SPATA16: variants seen among roughly 807,000 people sequenced by gnomAD.
SPATA16 encodes spermatogenesis associated 16, also known as spermatogenesis-associated protein 16.
SPATA16 carries 36 observed loss-of-function variants against 63.3 expected under a neutral mutation model. The observed-to-expected ratio is 0.57, with a 90% CI of 0.44 to 0.75. The LOEUF is 0.75. SPATA16 is among the 30% of genes least tolerant of loss of function. The pLI is 0.00. For missense variants in SPATA16, 646 were observed against 679.3 expected (o/e 0.95, Z 0.54); for synonymous variants, 203 against 216.7 (o/e 0.94, Z 0.56).
chr3:173,068,128 G>A (rs1037076479), intron 2 of SPATA16, among the ~76,000 whole-genome samples: 17 of 152,176 alleles, frequency 1.1e-4, no homozygotes, highest in African/African-American at 3.4e-4. Context: ...CGAAGTTAAT[G>A]TATAACAAGA....
At chr3:172,929,818 T>C (rs577797325) in intron 6 of SPATA16, among the ~76,000 whole-genome samples, 1 of 152,302 alleles carries the variant, frequency 6.6e-6, no homozygotes, top group South Asian at 2.1e-4. Context: ...TGCTCATCAC[T>C]CCAAAAGTTA....
At chr3:173,140,634 G>A (rs1738687276) in intron 1 of SPATA16, among the ~76,000 whole-genome samples, 1 of 152,114 alleles carries the variant, frequency 6.6e-6, no homozygotes, top group African/African-American at 2.4e-5. Flanking sequence ...AATATTATGC[G>A]TTAAGGAGAC....
chr3:173,091,081 A>T (rs1737210081), intron 2 of SPATA16, among the ~76,000 whole-genome samples: 1 of 152,122 alleles, frequency 6.6e-6, no homozygotes, highest in Non-Finnish European at 1.5e-5. Flanking sequence ...TGTCTTTCTG[A>T]TATATGTCTA....
At chr3:173,137,822 A>AACACACACAC (rs1185263699) in intron 1 of SPATA16, among the ~76,000 whole-genome samples, 5,605 of 122,224 alleles carry the variant, frequency 0.046, 230 homozygotes, top group Non-Finnish European at 0.057. Context: ...ATGGACTCTC[A>AACACACACAC]ACACACACAC....
chr3:172,917,681 C>G (rs1464819069), intron 8 of SPATA16, among the ~76,000 whole-genome samples: 1 of 152,158 alleles, frequency 6.6e-6, no homozygotes, highest in Non-Finnish European at 1.5e-5. Context: ...AGCTTAGTAT[C>G]TGAGTAAAGA....
rs1180871041 is a variant in SPATA16 at position 172,889,482 on chromosome 3, C to T, written c.*88G>A. 4.4e-6 allele frequency: 7 copies of T among 1,586,762 alleles called. No individual in the cohort carries two copies. Among genetic ancestry groups the T allele is most frequent in the Admixed American group, 3.4e-5 (2 of 59,492 alleles). On this transcript the variant is annotated 3_prime_UTR_variant, in exon 11 of 11. Transcript: ENST00000351008. The stretch of plus-strand genomic sequence containing the variant: ...CTTTTGGTGACAAGCTTTTGTTATC[C>T]AGCTTCACAGTACTAGGTGGGCATT...
chr3:173,066,244 G>A (rs886360627), intron 2 of SPATA16, among the ~76,000 whole-genome samples: 2 of 152,202 alleles, frequency 1.3e-5, no homozygotes, highest in African/African-American at 2.4e-5. Context: ...TTCCTGGCAC[G>A]GATCCATCCT....
intron 4 of SPATA16, among the ~76,000 whole-genome samples, chr3:172,987,973 C>T (rs1734494087): frequency 6.6e-6 from 1 of 152,080 alleles, no homozygotes; most frequent in African/African-American, 2.4e-5. Flanking sequence ...GATTATACAG[C>T]CTGATAAAAT....
At chr3:172,988,972 A>G (rs545219273) in intron 4 of SPATA16, among the ~76,000 whole-genome samples, 1 of 152,256 alleles carries the variant, frequency 6.6e-6, no homozygotes, top group East Asian at 1.9e-4. Context: ...ACATGTGCTA[A>G]TTTTTATGAG....
At chr3:172,918,457 A>G (rs1732545853) in intron 8 of SPATA16, among the ~76,000 whole-genome samples, 1 of 152,164 alleles carries the variant, frequency 6.6e-6, no homozygotes, top group South Asian at 2.1e-4. Context: ...GAAAGAATAC[A>G]GTTGACTGCT....
intron 6 of SPATA16, among the ~76,000 whole-genome samples, chr3:172,940,572 G>A (rs1049449061): frequency 6.6e-6 from 1 of 152,158 alleles, no homozygotes; most frequent in Admixed American, 6.6e-5. Context: ...TTTAAAAGTT[G>A]CCTTGAAAAA....
At chr3:172,943,602 T>A (rs943055797) in intron 6 of SPATA16, among the ~76,000 whole-genome samples, 6 of 152,158 alleles carry the variant, frequency 3.9e-5, no homozygotes, top group South Asian at 4.1e-4. Flanking sequence ...TAGCTGGGCA[T>A]GGTGGCGCAT....
chr3:173,125,730 T>A (rs556481097), intron 1 of SPATA16, among the ~76,000 whole-genome samples: 11 of 152,344 alleles, frequency 7.2e-5, no homozygotes, highest in African/African-American at 2.4e-4. Context: ...ATGCCACTCA[T>A]CATAGTGGTA....
At chr3:173,073,430 C>G (rs1450657426) in intron 2 of SPATA16, among the ~76,000 whole-genome samples, 9 of 152,206 alleles carry the variant, frequency 5.9e-5, no homozygotes, top group Admixed American at 5.2e-4. Flanking sequence ...GGGCTGGGCC[C>G]AGGGACACCC....
At chr3:172,970,275 C>T (rs919568834) in intron 5 of SPATA16, among the ~76,000 whole-genome samples, 1 of 152,132 alleles carries the variant, frequency 6.6e-6, no homozygotes, top group Non-Finnish European at 1.5e-5. Context: ...TCGAAAGGTA[C>T]TTCTCGTTGG....
At chr3:173,075,702 C>T (rs2102948) in intron 2 of SPATA16, among the ~76,000 whole-genome samples, 63,257 of 151,828 alleles carry the variant, frequency 0.42, 14,646 homozygotes, top group African/African-American at 0.63. Context: ...TCCTCACTAA[C>T]ATGTTGAAGC....
At chr3:173,020,756 T>C (rs1384842496) in intron 3 of SPATA16, among the ~76,000 whole-genome samples, 1 of 152,202 alleles carries the variant, frequency 6.6e-6, no homozygotes, top group African/African-American at 2.4e-5. Context: ...ACCCAGCCAT[T>C]AGTGAAAGTT....
intron 5 of SPATA16, among the ~76,000 whole-genome samples, chr3:172,958,602 A>C (rs955573068): frequency 1.3e-5 from 2 of 152,206 alleles, no homozygotes; most frequent in Non-Finnish European, 2.9e-5. Flanking sequence ...GGGTTGCTAC[A>C]ACAAAGTACC....
rs1335557507 is a variant in SPATA16 at position 172,928,683 on chromosome 3, G to A, written c.1082-3191C>T. On this transcript the variant is annotated intron_variant, in intron 6 of 10. Transcript: ENST00000351008. ...AAACGAGTATCAGTACTATACTATG[G>A]CTAATTTATTATAAAACATGCTTGC... is the stretch of plus-strand genomic sequence containing the variant. 8.5e-5 allele frequency among the ~76,000 whole-genome samples: 13 copies of A among 152,242 alleles called. No individual in the cohort carries two copies. The East Asian group carries it at 2.5e-3, about 29-fold the overall frequency.
Sources: gnomAD v4.1 joint callset for allele counts (sites outside exome capture counted in the v4.1 genomes callset) on GRCh38, gnomAD v4.1.1 for gene constraint, MANE v1.5 for transcripts, NCBI Gene and HGNC (gene_info 2026-07-23, HGNC 2026-07-21) for gene names.